Variants in FYB2 observed in about 807,000 individuals in gnomAD.
FYB2 encodes FYN binding protein 2, also known as FYN-binding protein 2.
In FYB2, 103 loss-of-function variants were observed where a neutral mutation model predicts 94.1. The observed-to-expected ratio is 1.09, with a 90% CI of 0.93 to 1.29. The LOEUF is 1.29. FYB2 is among the 50% of genes most tolerant of loss of function. The pLI, the probability that FYB2 is intolerant of heterozygous loss-of-function variation, is 0.00. For synonymous variants in FYB2, 293 were observed against 287.9 expected, an observed-to-expected ratio of 1.02 and a Z score of -0.18; for missense variants, 896 against 841.5, an observed-to-expected ratio of 1.06 and a Z score of -0.80.
intron 2 of FYB2, among the ~76,000 whole-genome samples, chr1:56,789,773 G>A (rs58468483): frequency 0.018 from 2,695 of 152,216 alleles, 75 homozygotes; most frequent in African/African-American, 0.054. Context: ...GGATGGTTTT[G>A]TATTGATCCC....
Position 56,753,860 on chromosome 1 carries a change from T to C in FYB2, c.1206A>G (p.Pro402=), listed in dbSNP as rs1645260588. The C allele has an allele frequency of 6.2e-7, 1 of 1,609,362 alleles. No individual in the cohort carries two copies. The highest frequency in any genetic ancestry group is 1.3e-5 in the African/African-American group (1 of 74,730). ...GTACCTTGAAAACATGGTTTGAATA[T>C]GGTTCCTTTTCTGTGTTTTTAGGTT... ...ELKPKNTEKE[P]YSNHVFKVDA... Residue 402 remains proline (P), a synonymous_variant, in exon 8 of 20, where the codon CCA becomes CCG. Transcript: ENST00000343433.
chr1:56,807,292 G>A (rs1389092464), intron 1 of FYB2, among the ~76,000 whole-genome samples: 2 of 152,148 alleles, frequency 1.3e-5, no homozygotes, highest in African/African-American at 2.4e-5. Flanking sequence ...CAGCTATGAT[G>A]TAAACTCCTC....
intron 4 of FYB2, among the ~76,000 whole-genome samples, chr1:56,783,053 A>G (rs1646045108): frequency 6.6e-6 from 1 of 152,200 alleles, no homozygotes; most frequent in Non-Finnish European, 1.5e-5. Flanking sequence ...GTGATGACAA[A>G]GAATAATCTC....
the FYB2 span, among the ~76,000 whole-genome samples, chr1:56,826,126 C>T: frequency 6.6e-6 from 1 of 152,226 alleles, no homozygotes; most frequent in South Asian, 2.1e-4. Context: ...CTAGCTTCAC[C>T]TCAGGAGATG....
At chr1:56,767,779 C>T (rs774249232) in intron 5 of FYB2, 50 bp downstream of exon 5, 1 of 1,343,596 alleles carries the variant, frequency 7.4e-7, no homozygotes, top group East Asian at 2.4e-5. Flanking sequence ...ATTTTTGACA[C>T]ATTTTCATTC....
chr1:56,754,345 C>A (rs1025480570), intron 7 of FYB2, among the ~76,000 whole-genome samples: 3 of 152,090 alleles, frequency 2.0e-5, no homozygotes, highest in Non-Finnish European at 2.9e-5. Context: ...TTTAGACATG[C>A]CTTCCACATC....
chr1:56,770,275 TCAG>T (rs1210739401), intron 4 of FYB2, among the ~76,000 whole-genome samples: 2 of 152,114 alleles, frequency 1.3e-5, no homozygotes, highest in Non-Finnish European at 2.9e-5. Flanking sequence ...AGAACTTTTA[TCAG>T]TAGTACACAC....
At chr1:56,783,962 T>C (rs1000847019) in intron 4 of FYB2, among the ~76,000 whole-genome samples, 3 of 152,192 alleles carry the variant, frequency 2.0e-5, no homozygotes, top group African/African-American at 7.2e-5. Context: ...ACTCTCTAGA[T>C]GCTAGGCCCT....
Position 56,756,026 on chromosome 1 carries a change from G to C in FYB2, c.1099-99C>G, listed in dbSNP as rs1316454328. On this transcript the variant is annotated intron_variant, in intron 6 of 19. Coordinates refer to ENST00000343433, the MANE Select transcript of FYB2 (RefSeq NM_001004303.5). ...TTAGAGACTACACCAAAAGGTGAGG[G>C]GGATGAAGCCTCAGTAGAGAGCAAA... The C allele has an allele frequency of 3.4e-6, 4 of 1,167,002 alleles. No individual in the cohort carries two copies. In the African/African-American group the frequency reaches 6.1e-5, roughly 18 times the overall value. 72.3% of individuals were successfully genotyped at this position (1,167,002 alleles called of 1,614,324 possible). A position where few individuals can be genotyped will look rare whatever the true frequency, so the allele number is the denominator to read the frequency against.
chr1:56,739,845 G>A (rs924419735), intron 13 of FYB2, among the ~76,000 whole-genome samples: 3 of 152,068 alleles, frequency 2.0e-5, no homozygotes, highest in African/African-American at 7.2e-5. Context: ...GATGAGCTAG[G>A]CTAAGCGATG....
At chr1:56,732,822 C>A (rs975382260) in intron 15 of FYB2, among the ~76,000 whole-genome samples, 1 of 145,602 alleles carries the variant, frequency 6.9e-6, no homozygotes, top group Non-Finnish European at 1.5e-5. Context: ...TTACACTATA[C>A]AAAAATCAAA....
intron 4 of FYB2, among the ~76,000 whole-genome samples, chr1:56,771,818 A>C (rs1338515773): frequency 1.3e-5 from 2 of 152,286 alleles, no homozygotes; most frequent in African/African-American, 4.8e-5. Flanking sequence ...GACAGTGAAA[A>C]AGTTGGAGTT....
intron 5 of FYB2, among the ~76,000 whole-genome samples, chr1:56,764,200 C>T (rs761247328): frequency 1.3e-5 from 2 of 152,220 alleles, no homozygotes; most frequent in Admixed American, 6.5e-5. Flanking sequence ...GTGATCCACT[C>T]GCCTCGGCCT....
intron 15 of FYB2, among the ~76,000 whole-genome samples, chr1:56,736,265 C>T (rs1290177353): frequency 1.3e-5 from 2 of 151,894 alleles, no homozygotes; most frequent in East Asian, 3.9e-4. Context: ...GTGACCTTAC[C>T]AAAAATAAGT....
Position 56,792,516 on chromosome 1 carries a change from C to A in FYB2, c.297G>T (p.Lys99Asn), listed in dbSNP as rs1202587197. ...KCSNSPGPLGKSTVCSATSSQ... is the reference protein window; with the variant it reads ...KCSNSPGPLGNSTVCSATSSQ... ...AACTTGTTGCAGAACATACAGTAGA[C>A]TTTCCCAGAGGCCCTGGGGAGTTAG... Residue 99 changes from lysine (K) to asparagine (N), a missense_variant, in exon 2 of 20, where the codon AAG (lysine) becomes AAT (asparagine). Transcript: ENST00000343433. 6.2e-7 allele frequency: 1 copy of A among 1,614,094 alleles called. No homozygotes were observed. Among genetic ancestry groups the A allele is most frequent in the Non-Finnish European group, 8.5e-7 (1 of 1,180,028 alleles).
intron 4 of FYB2, among the ~76,000 whole-genome samples, chr1:56,775,062 C>T (rs776249126): frequency 6.6e-6 from 1 of 152,056 alleles, no homozygotes; most frequent in African/African-American, 2.4e-5. Context: ...CTTCCTTGCT[C>T]CTCAGCTTGC....
chr1:56,792,861 A>T, intron 1 of FYB2, 58 bp from the exon 2 acceptor site: 1 of 1,490,766 alleles, frequency 6.7e-7, no homozygotes, highest in Non-Finnish European at 9.0e-7. Context: ...AACAACAACA[A>T]CAAAAACAAG....
intron 1 of FYB2, among the ~76,000 whole-genome samples, chr1:56,793,698 C>T (rs915872300): frequency 8.9e-6 from 1 of 112,788 alleles, no homozygotes; most frequent in Non-Finnish European, 1.7e-5. Context: ...ACCCATGTAA[C>T]AAACATGTGC....
At chr1:56,816,745 G>A (rs941470099) in intron 1 of FYB2, among the ~76,000 whole-genome samples, 5 of 151,982 alleles carry the variant, frequency 3.3e-5, no homozygotes, top group African/African-American at 9.7e-5. Flanking sequence ...AACATATTAC[G>A]TCTAAAACCA....
Sources: allele counts gnomAD v4.1 joint callset (sites outside exome capture counted in the v4.1 genomes callset), GRCh38; gene constraint gnomAD v4.1.1; transcripts MANE v1.5; gene names NCBI Gene and HGNC (gene_info 2026-07-23, HGNC 2026-07-21).